Variants in GPLD1 observed in about 807,000 individuals in gnomAD.
The protein encoded by GPLD1 is phosphatidylinositol-glycan-specific phospholipase D.
GPLD1 carries 84 observed loss-of-function variants against 112.6 expected under a neutral mutation model. The observed-to-expected ratio is 0.75, with a 90% CI of 0.63 to 0.89. The LOEUF (loss-of-function observed/expected upper bound fraction) is 0.89. GPLD1 is among the 40% of genes least tolerant of loss of function. GPLD1 has a pLI of 0.00. For missense variants in GPLD1, 1,044 were observed against 1,051.5 expected (o/e 0.99, Z 0.10); for synonymous variants, 386 against 403.8 (o/e 0.96, Z 0.53).
upstream of GPLD1, among the ~76,000 whole-genome samples, chr6:24,493,989 T>C (rs1179022460): frequency 1.3e-5 from 2 of 152,270 alleles, no homozygotes; most frequent in Non-Finnish European, 2.9e-5. Context: ...GCTTCCCTGC[T>C]GCTTTCAGAG....
chr6:24,448,217 G>A lies in GPLD1; in HGVS notation c.1447-9C>T. ...TAGACATACACGGCACCCTAGATAA[G>A]GACAAACAGCAGATAGACATGAGGC... On this transcript the variant is annotated splice_polypyrimidine_tract_variant and intron_variant, in intron 15 of 24. Coordinates refer to ENST00000230036, the MANE Select transcript of GPLD1 (RefSeq NM_001503.4). The A allele has an allele frequency of 3.8e-6, 6 of 1,589,548 alleles. No individual in the cohort carries two copies. Among genetic ancestry groups the A allele is most frequent in the Non-Finnish European group, 5.2e-6 (6 of 1,161,792 alleles).
intron 21 of GPLD1, 61 bp downstream of exon 21, chr6:24,437,052 G>A (rs911293815): frequency 6.8e-7 from 1 of 1,475,582 alleles, no homozygotes; most frequent in Admixed American, 1.7e-5. Flanking sequence ...ACCCAATTAG[G>A]GGACCCACCC....
downstream of GPLD1, chr6:24,424,121 A>G (rs1762148905): frequency 6.6e-6 from 1 of 152,042 alleles, no homozygotes; most frequent in African/African-American, 2.5e-5. Context: ...TCAGGTGACT[A>G]AAAAGCTAGC....
intron 7 of GPLD1, among the ~76,000 whole-genome samples, chr6:24,469,544 C>T (rs1263916253): frequency 2.2e-3 from 222 of 100,038 alleles, no homozygotes; most frequent in African/African-American, 8.2e-3. Flanking sequence ...AACCAAACAC[C>T]GCATATTCTC....
intron 7 of GPLD1, among the ~76,000 whole-genome samples, chr6:24,468,145 A>C (rs1581770041): frequency 1.3e-5 from 2 of 152,278 alleles, no homozygotes; most frequent in East Asian, 3.9e-4. Context: ...ACCTCAGGTG[A>C]TCCACCTGCC....
intron 7 of GPLD1, among the ~76,000 whole-genome samples, chr6:24,469,768 T>C (rs192684352): frequency 0.019 from 2,510 of 130,862 alleles, 40 homozygotes; most frequent in Middle Eastern, 0.046. Context: ...CCCTAAAACT[T>C]AAAGTATAAT....
At chr6:24,472,858 C>T (rs1272417336) in intron 6 of GPLD1, among the ~76,000 whole-genome samples, 1 of 151,698 alleles carries the variant, frequency 6.6e-6, no homozygotes, top group Non-Finnish European at 1.5e-5. Context: ...TCACTGAAAC[C>T]TCCGCCTCCT....
chr6:24,488,921 T>C (rs1367522173), intron 1 of GPLD1, among the ~76,000 whole-genome samples: 2 of 152,146 alleles, frequency 1.3e-5, no homozygotes, highest in African/African-American at 2.4e-5. Context: ...CTCCCTTACT[T>C]TCTTGACCTT....
upstream of GPLD1, chr6:24,495,277 G>C (rs2127379086): frequency 2.0e-6 from 3 of 1,532,768 alleles, no homozygotes; most frequent in Non-Finnish European, 2.6e-6. Context: ...GCCGACTGCG[G>C]GGTGCGAGAG....
At chr6:24,445,482 A>C in intron 20 of GPLD1, 64 bp downstream of exon 20, 1 of 1,039,710 alleles carries the variant, frequency 9.6e-7, no homozygotes, top group African/African-American at 1.6e-5. Context: ...ACTTTCCTCC[A>C]ATACGACATG....
chr6:24,484,206 T>C (rs931338574), intron 2 of GPLD1, among the ~76,000 whole-genome samples: 2 of 150,748 alleles, frequency 1.3e-5, no homozygotes, highest in African/African-American at 4.9e-5. Flanking sequence ...TGAGCCACCG[T>C]GCCTGGCCCA....
intron 7 of GPLD1, among the ~76,000 whole-genome samples, chr6:24,470,505 C>T (rs1472474266): frequency 6.6e-6 from 1 of 152,172 alleles, no homozygotes; most frequent in African/African-American, 2.4e-5. Context: ...TCTTAATAAT[C>T]AGTAGATAAA....
chr6:24,478,820 G>A (rs1016544182), intron 3 of GPLD1, among the ~76,000 whole-genome samples: 5 of 151,828 alleles, frequency 3.3e-5, no homozygotes, highest in African/African-American at 4.8e-5. Flanking sequence ...GCAATTCCTC[G>A]CCTCCTGTCC....
intron 14 of GPLD1, among the ~76,000 whole-genome samples, chr6:24,450,239 C>T (rs1763039082): frequency 3.3e-5 from 5 of 152,174 alleles, no homozygotes; most frequent in South Asian, 4.1e-4. Flanking sequence ...AGGCCGGGCA[C>T]GGTGGCTCAC....
Position 24,489,545 on chromosome 6 carries a change from G to A in GPLD1, c.-34C>T, listed in dbSNP as rs1343008665. The A allele has an allele frequency of 1.2e-6, 2 of 1,613,202 alleles. 1 individual carries two copies. On this transcript the variant is annotated 5_prime_UTR_variant, in exon 1 of 25. Coordinates refer to ENST00000230036, the MANE Select transcript of GPLD1 (RefSeq NM_001503.4). ...TGCCCACCGGCTTCTCTGGTGACGT[G>A]GGAATGCTCAGAGCTGCAGCAGCAC...
chr6:24,494,814 C>A, intron 1 of GPLD1: 1 of 634,692 alleles, frequency 1.6e-6, no homozygotes, highest in African/African-American at 1.9e-5. Flanking sequence ...GGCGGCGCGG[C>A]GGTGCAGCGA....
Position 24,456,551 on chromosome 6 carries a change from G to T in GPLD1, c.1095C>A (p.Val365=). The part of the protein sequence containing the change: ...IGGSQLSQKH[V]SSPLASYFLS... The stretch of plus-strand genomic sequence containing the variant: ...AGAAGTAAGATGCTAAGGGGCTGGA[G>T]ACGTGCTTTTGTGACAACTGAGAGC... The change falls in exon 13 of 25, where the codon GTC becomes GTA. Residue 365 remains valine, a synonymous_variant. Transcript: ENST00000230036. 6.2e-7 allele frequency: 1 copy of T among 1,610,036 alleles called. No homozygotes were observed. The highest frequency in any genetic ancestry group is 8.5e-7 in the Non-Finnish European group (1 of 1,176,228).
chr6:24,454,227 T>A, intron 13 of GPLD1, 26 bp from the exon 14 acceptor site: 1 of 1,558,366 alleles, frequency 6.4e-7, no homozygotes, highest in Non-Finnish European at 8.8e-7. Context: ...GGACCCACCA[T>A]GGTATGCACT....
chr6:24,445,513 AAAGG>A, intron 20 of GPLD1, 29 bp downstream of exon 20: 1 of 1,447,090 alleles, frequency 6.9e-7, no homozygotes, highest in African/African-American at 1.4e-5. Context: ...CACATGACTG[AAAGG>A]AAGCACAGTT....
Sources: allele counts gnomAD v4.1 joint callset (sites outside exome capture counted in the v4.1 genomes callset), GRCh38; gene constraint gnomAD v4.1.1; transcripts MANE v1.5; gene names NCBI Gene and HGNC (gene_info 2026-07-23, HGNC 2026-07-21).